Variants in MTUS1 observed in about 807,000 individuals in gnomAD.
The protein encoded by MTUS1 is microtubule-associated tumor suppressor 1.
In MTUS1, 109 loss-of-function variants were observed where a neutral mutation model predicts 120.8. The observed-to-expected ratio is 0.90, with a 90% confidence interval of 0.77 to 1.06. MTUS1 has a LOEUF of 1.06. Among genes scored for constraint, MTUS1 ranks in the 50% least tolerant of loss-of-function variants. MTUS1 has a pLI of 0.00. For missense variants in MTUS1, 2,210 were observed against 1,486.3 expected, an observed-to-expected ratio of 1.49 and a Z score of -8.01; for synonymous variants, 737 against 550.5, an observed-to-expected ratio of 1.34 and a Z score of -4.74.
Position 17,754,223 on chromosome 8 carries a change from T to G in MTUS1, c.1585A>C (p.Lys529Gln), listed in dbSNP as rs749532490. 6.2e-7 allele frequency: 1 copy of G among 1,614,058 alleles called. No individual in the cohort carries two copies. Among genetic ancestry groups the G allele is most frequent in the Non-Finnish European group, 8.5e-7 (1 of 1,180,044 alleles). ...GTCTGCTGAGGTCTGGGCGTGACCT[T>G]TGATAAAGCAGCATCTTTGGGCTGC... ...VLQPKDAALS[K>Q]VTPRPQQTSA... The change falls in exon 2 of 15, where the codon AAG becomes CAG. Residue 529 changes from lysine (K) to glutamine (Q), a missense_variant. By Grantham distance (53) the Lys-to-Gln change is moderately conservative (BLOSUM62 1). Coordinates refer to ENST00000693296, the MANE Select transcript of MTUS1 (RefSeq NM_001363059.2).
At chr8:17,767,695 T>G in intron 1 of MTUS1, among the ~76,000 whole-genome samples, 1 of 81,624 alleles carries the variant, frequency 1.2e-5, no homozygotes, top group African/African-American at 5.9e-5. Flanking sequence ...CAAGACCCTG[T>G]CTCTTAAAAA....
chr8:17,723,689 C>G lies in MTUS1; in HGVS notation c.2432G>C (p.Ser811Thr). ...PSIASTHSEL[S>T]TYSNNSGNAA... ...CGACTTACAATTGTTGCTGTAAGTG[C>G]TCAGCTCACTGTGGGTGCTGGCTAT... Residue 811 changes from serine (S) to threonine (T), a missense_variant, in exon 4 of 15, where the codon AGC (serine) becomes ACC (threonine). Physicochemically the swap from Ser to Thr is moderately conservative, Grantham distance 58 (BLOSUM62 1). Transcript: ENST00000693296. 6.2e-7 allele frequency: 1 copy of G among 1,610,720 alleles called. No individual in the cohort carries two copies. The highest frequency in any genetic ancestry group is 8.5e-7 in the Non-Finnish European group (1 of 1,177,646).
intron 6 of MTUS1, chr8:17,691,973 A>C (rs1009523167): frequency 6.6e-6 from 1 of 152,256 alleles, no homozygotes; most frequent in Non-Finnish European, 1.5e-5. Flanking sequence ...ACTTACGTCC[A>C]AACGACAAAA....
At chr8:17,654,519 T>C in intron 10 of MTUS1, 42 bp downstream of exon 10, 1 of 1,273,674 alleles carries the variant, frequency 7.9e-7, no homozygotes, top group Non-Finnish European at 1.1e-6. Flanking sequence ...TGTGGTTCCT[T>C]CAGATTTTAT....
intron 2 of MTUS1, among the ~76,000 whole-genome samples, chr8:17,752,237 TAG>T (rs1008984441): frequency 1.3e-5 from 2 of 152,114 alleles, no homozygotes; most frequent in Non-Finnish European, 2.9e-5. Flanking sequence ...AACTTTATGA[TAG>T]AGTTTTTGGT....
At chr8:17,716,850 A>T (rs927698280) in intron 4 of MTUS1, among the ~76,000 whole-genome samples, 1 of 152,148 alleles carries the variant, frequency 6.6e-6, no homozygotes, top group African/African-American at 2.4e-5. Flanking sequence ...CACCGCACCT[A>T]GCCTGTTTGT....
chr8:17,790,435 C>CA (rs1183277984), intron 1 of MTUS1, among the ~76,000 whole-genome samples: 6 of 151,774 alleles, frequency 4.0e-5, no homozygotes, highest in African/African-American at 1.4e-4. Flanking sequence ...AAGTGAGATA[C>CA]AAAAAATCTA....
intron 1 of MTUS1, among the ~76,000 whole-genome samples, chr8:17,784,293 C>G (rs931644883): frequency 5.1e-4 from 55 of 106,816 alleles, no homozygotes; most frequent in African/African-American, 2.1e-3. Flanking sequence ...TTTCTTACAA[C>G]TGTTTTTTTT....
intron 8 of MTUS1, among the ~76,000 whole-genome samples, chr8:17,669,292 G>C (rs561424890): frequency 1.0e-3 from 153 of 152,302 alleles, no homozygotes; most frequent in African/African-American, 3.4e-3. Context: ...GAGCATGAGG[G>C]GTCCGCGACG....
At chr8:17,670,548 G>C (rs1278189780) in intron 8 of MTUS1, among the ~76,000 whole-genome samples, 2 of 152,148 alleles carry the variant, frequency 1.3e-5, no homozygotes, top group Admixed American at 1.3e-4. Context: ...ATCTGACCAG[G>C]TGCCATGGCT....
intron 8 of MTUS1, among the ~76,000 whole-genome samples, chr8:17,670,481 C>G (rs1424141959): frequency 6.6e-6 from 1 of 152,110 alleles, no homozygotes; most frequent in Non-Finnish European, 1.5e-5. Flanking sequence ...ATAATGAACA[C>G]TATGAGGCAA....
At chr8:17,798,461 T>C (rs1240868234) in intron 1 of MTUS1, among the ~76,000 whole-genome samples, 1 of 152,092 alleles carries the variant, frequency 6.6e-6, no homozygotes, top group African/African-American at 2.4e-5. Flanking sequence ...GCGTCCCAAG[T>C]AGCTGAGATT....
rs189067709 is a variant in MTUS1 at position 17,790,311 on chromosome 8, G to A, written c.-155+10750C>T. Among the ~76,000 whole-genome samples the A allele has an allele frequency of 6.7e-4, 100 of 149,970 alleles. 1 individual carries two copies. The highest frequency in any genetic ancestry group is 2.3e-3 in the African/African-American group (94 of 40,742). ...TGCCATGAGCCGAGATGAAGCCATT[G>A]CACTCCAGCCTGGGTGACAGAGCAA... On this transcript the variant is annotated intron_variant, in intron 1 of 14. Coordinates refer to ENST00000693296, the MANE Select transcript of MTUS1 (RefSeq NM_001363059.2).
chr8:17,755,777 C>T lies in MTUS1; in HGVS notation c.31G>A (p.Glu11Lys), dbSNP rs1330320596. The T allele has an allele frequency of 6.2e-7, 1 of 1,613,706 alleles. No homozygotes were observed. Among genetic ancestry groups the T allele is most frequent in the Non-Finnish European group, 8.5e-7 (1 of 1,179,858 alleles). The change falls in exon 2 of 15, where the codon GAA becomes AAA. Residue 11 changes from glutamate (E) to lysine (K), a missense_variant. Coordinates refer to ENST00000693296, the MANE Select transcript of MTUS1 (RefSeq NM_001363059.2). Reference sequence around the variant, plus strand: ...GTAAAGAAGGTTTGCAATTCATCTTCTATTTTATCATCTGAATTATCATCA... The same window carrying T: ...GTAAAGAAGGTTTGCAATTCATCTTTTATTTTATCATCTGAATTATCATCA... Reference protein sequence around the residue: MTDDNSDDKIEDELQTFFTSD... With the variant: MTDDNSDDKIKDELQTFFTSD...
intron 13 of MTUS1, among the ~76,000 whole-genome samples, chr8:17,648,244 TATG>T (rs1337545118): frequency 5.3e-5 from 8 of 152,188 alleles, no homozygotes; most frequent in Non-Finnish European, 1.2e-4. Flanking sequence ...AATTTACAAA[TATG>T]AAGGGAACAG....
chr8:17,762,037 T>C (rs546631938), intron 1 of MTUS1, among the ~76,000 whole-genome samples: 1 of 152,176 alleles, frequency 6.6e-6, no homozygotes, highest in African/African-American at 2.4e-5. Flanking sequence ...ACCAAGACTT[T>C]GGGAAGCCGA....
Position 17,798,033 on chromosome 8 carries a change from G to A in MTUS1, c.-155+3028C>T, listed in dbSNP as rs531549111. On this transcript the variant is annotated intron_variant, in intron 1 of 14. Coordinates refer to ENST00000693296, the MANE Select transcript of MTUS1 (RefSeq NM_001363059.2). ...CATTTGTCTGGACATCAACAAGTCC[G>A]TATGAAACCACAATAATGACTATAA... 4.6e-5 allele frequency among the ~76,000 whole-genome samples: 7 copies of A among 152,234 alleles called. No homozygotes were observed. The East Asian group carries it at 5.8e-4, about 13-fold the overall frequency.
chr8:17,653,356 T>A, intron 11 of MTUS1, 69 bp downstream of exon 11: 1 of 1,527,594 alleles, frequency 6.5e-7, no homozygotes, highest in Non-Finnish European at 8.9e-7. Context: ...ACAGAAACAT[T>A]AAAACCAAAC....
At chr8:17,781,674 GCTCTCCCCTGCACT>G (rs2131526733) in intron 1 of MTUS1, among the ~76,000 whole-genome samples, 1 of 152,146 alleles carries the variant, frequency 6.6e-6, no homozygotes, top group South Asian at 2.1e-4. Flanking sequence ...AGAAATGCTG[GCTCTCCCCTGCACT>G]GGCCACACCT....
Sources: gnomAD v4.1 joint callset for allele counts (sites outside exome capture counted in the v4.1 genomes callset) on GRCh38, gnomAD v4.1.1 for gene constraint, MANE v1.5 for transcripts, NCBI Gene and HGNC (gene_info 2026-07-23, HGNC 2026-07-21) for gene names.